The following PIEZO2 variants were observed in gnomAD, a reference collection of about 807,000 sequenced individuals.
The protein encoded by PIEZO2 is piezo-type mechanosensitive ion channel component 2.
In PIEZO2, 172 loss-of-function variants were observed where a neutral mutation model predicts 337.3. The ratio of observed to expected loss-of-function variants is 0.51; its 90% CI spans 0.45 to 0.58. The LOEUF is 0.58. Among genes scored for constraint, PIEZO2 ranks in the 20% least tolerant of loss-of-function variants. The probability of loss-of-function intolerance (pLI) is 0.00; values close to 1 mark genes in which losing one functional copy is unlikely to be tolerated. For synonymous variants in PIEZO2, 1,251 were observed against 1,228.5 expected (o/e 1.02, Z -0.38); for missense variants, 3,028 against 3,391.3 (o/e 0.89, Z 2.66).
At chr18:10,806,982 C>A (rs2040020512) in intron 8 of PIEZO2, 130 bp downstream of exon 8, 2 of 957,052 alleles carry the variant, frequency 2.1e-6, no homozygotes, top group East Asian at 5.3e-5. Flanking sequence ...ATTAAAACAT[C>A]ATACCCAGAA....
chr18:11,025,920 T>TG (rs1199380103), intron 2 of PIEZO2, among the ~76,000 whole-genome samples: 1 of 152,156 alleles, frequency 6.6e-6, no homozygotes, highest in Non-Finnish European at 1.5e-5. Context: ...TGGGTTCCGC[T>TG]GGGGGCAGCA....
chr18:10,764,544 C>T (rs981447282), intron 21 of PIEZO2, among the ~76,000 whole-genome samples: 4 of 149,918 alleles, frequency 2.7e-5, no homozygotes, highest in African/African-American at 4.9e-5. Context: ...TGGCCGAGAT[C>T]GTGCCACTGC....
rs1469081028 is a variant in PIEZO2 at position 10,942,231 on chromosome 18, T to C, written c.287-31003A>G. On this transcript the variant is annotated intron_variant, in intron 3 of 55. Transcript: ENST00000674853. The surrounding 1 kb of genome is among the most constrained non-coding windows in gnomAD (Gnocchi z 4.4). ...GCGCTGCTGAAAAGATATCCCAAAA[T>C]GTGAAAGCGATTTTGGAACTGGGTA... 6.6e-6 allele frequency among the ~76,000 whole-genome samples: 1 copy of C among 152,244 alleles called. No individual in the cohort carries two copies. The highest frequency in any genetic ancestry group is 6.5e-5 in the Admixed American group (1 of 15,286).
rs150740774 is a variant in PIEZO2, at chr18:11,077,525, C to A, written c.65-11303G>T. On this transcript the variant is annotated intron_variant, in intron 1 of 55. Coordinates refer to ENST00000674853, the MANE Select transcript of PIEZO2 (RefSeq NM_001378183.1). The surrounding 1 kb of genome is among the most constrained non-coding windows in gnomAD (Gnocchi z 4.8). ...TCCACACAAAAAAAGAAAAAACTAG[C>A]TGGGCATGGTGGTGCATGCCTATAG... is the stretch of plus-strand genomic sequence containing the variant. Among the ~76,000 whole-genome samples, 932 of 152,200 alleles carry A rather than the reference C, an allele frequency of 6.1e-3. 6 individuals carry two copies. The highest frequency in any genetic ancestry group is 0.021 in the African/African-American group (865 of 41,532).
At chr18:11,049,621 G>A (rs934811725) in intron 2 of PIEZO2, among the ~76,000 whole-genome samples, 9 of 152,282 alleles carry the variant, frequency 5.9e-5, no homozygotes, top group East Asian at 1.9e-4. Context: ...TGGGAGGGAC[G>A]TGGTGGAAGG....
chr18:10,902,657 A>G (rs960809620), intron 4 of PIEZO2, among the ~76,000 whole-genome samples: 2 of 152,228 alleles, frequency 1.3e-5, no homozygotes, highest in Non-Finnish European at 2.9e-5. Flanking sequence ...TTGTACCTTA[A>G]AAGAATAAAT....
At chr18:10,866,650 G>T (rs1474299456) in intron 5 of PIEZO2, among the ~76,000 whole-genome samples, 2 of 152,172 alleles carry the variant, frequency 1.3e-5, no homozygotes, top group African/African-American at 4.8e-5. Context: ...AGGTGTGTTG[G>T]TATCAGAGGA....
intron 10 of PIEZO2, among the ~76,000 whole-genome samples, chr18:10,801,142 T>C (rs891542172): frequency 4.6e-5 from 7 of 152,228 alleles, no homozygotes; most frequent in African/African-American, 1.4e-4. Context: ...TACTTACGAA[T>C]TAGGCATAGC....
rs2042324594 is a variant in PIEZO2, at chr18:10,878,461, A to AGAGGAGGGAAC, written c.330-7047_330-7046insGTTCCCTCCTC. On this transcript the variant is annotated intron_variant, in intron 4 of 55. Coordinates refer to ENST00000674853, the MANE Select transcript of PIEZO2 (RefSeq NM_001378183.1). This position sits in a 1 kb window ranked among gnomAD's most constrained non-coding sequence, Gnocchi z 4.3. ...GCATTGAGATCACAGAGAGTTTACA[A>AGAGGAGGGAAC]ATAAAGTTTCAGTTATTTGCACATG... Among the ~76,000 whole-genome samples, 2 of 152,210 alleles carry AGAGGAGGGAAC rather than the reference A, an allele frequency of 1.3e-5. No individual in the cohort carries two copies. Among genetic ancestry groups the AGAGGAGGGAAC allele is most frequent in the South Asian group, 4.1e-4 (2 of 4,832 alleles).
rs1438206918 is a variant in PIEZO2 at position 11,104,338 on chromosome 18, C to T, written c.65-38116G>A. On this transcript the variant is annotated intron_variant, in intron 1 of 55. Coordinates refer to ENST00000674853, the MANE Select transcript of PIEZO2 (RefSeq NM_001378183.1). The surrounding 1 kb of genome is among the most constrained non-coding windows in gnomAD (Gnocchi z 4.6). ...TATGCTGTTAGCCCTAGCCACCCCA[C>T]CTCAAGCCAGGAGGCTCTTTCTCCT... 6.6e-6 allele frequency among the ~76,000 whole-genome samples: 1 copy of T among 152,196 alleles called. No homozygotes were observed. Among genetic ancestry groups the T allele is most frequent in the African/African-American group, 2.4e-5 (1 of 41,442 alleles).
At chr18:11,079,803 T>A (rs2038676148) in intron 1 of PIEZO2, among the ~76,000 whole-genome samples, 1 of 152,282 alleles carries the variant, frequency 6.6e-6, no homozygotes, top group African/African-American at 2.4e-5. Flanking sequence ...ATTTTCTGAA[T>A]GAAAAAGCAT....
intron 2 of PIEZO2, among the ~76,000 whole-genome samples, chr18:10,983,001 A>G (rs1293084213): frequency 6.6e-6 from 1 of 152,172 alleles, no homozygotes; most frequent in Non-Finnish European, 1.5e-5. Context: ...GATTACAGGA[A>G]TGAGCCACCG....
intron 7 of PIEZO2, among the ~76,000 whole-genome samples, chr18:10,827,998 C>T (rs2040727534): frequency 6.6e-6 from 1 of 152,158 alleles, no homozygotes; most frequent in Admixed American, 6.5e-5. Flanking sequence ...AAGTCACCCC[C>T]AGGTCACTAG....
rs2040271877 is a variant in PIEZO2, at chr18:11,129,291, G to A, written c.64+19234C>T. Reference sequence around the variant, plus strand: ...AATACAATGAGAATAATTGGATCCCGAGGTGGCAGGGACCAAGTGGCAGCA... The same window carrying A: ...AATACAATGAGAATAATTGGATCCCAAGGTGGCAGGGACCAAGTGGCAGCA... On this transcript the variant is annotated intron_variant, in intron 1 of 55. Transcript: ENST00000674853. The surrounding 1 kb of genome is among the most constrained non-coding windows in gnomAD (Gnocchi z 4.6). Among the ~76,000 whole-genome samples the A allele has an allele frequency of 1.3e-5, 2 of 152,200 alleles. No homozygotes were observed. Among genetic ancestry groups the A allele is most frequent in the African/African-American group, 2.4e-5 (1 of 41,446 alleles).
At chr18:10,902,704 G>A (rs1173242991) in intron 4 of PIEZO2, among the ~76,000 whole-genome samples, 1 of 152,106 alleles carries the variant, frequency 6.6e-6, no homozygotes, top group African/African-American at 2.4e-5. Context: ...AGGTTGTTTC[G>A]TTTCATATCA....
intron 1 of PIEZO2, among the ~76,000 whole-genome samples, chr18:11,130,921 T>C (rs2040322451): frequency 6.6e-6 from 1 of 152,220 alleles, no homozygotes; most frequent in South Asian, 2.1e-4. Context: ...CAGGCTGCTG[T>C]ACAAGCTGCT....
chr18:11,080,612 G>A lies in PIEZO2; in HGVS notation c.65-14390C>T, dbSNP rs914115087. ...TATAATCCCAGCACTTTGGGAGACC[G>A]AGGCGGGCAGATCATGAGGTCAGGA... On this transcript the variant is annotated intron_variant, in intron 1 of 55. Transcript: ENST00000674853. This position sits in a 1 kb window ranked among gnomAD's most constrained non-coding sequence, Gnocchi z 5.4. 4.6e-5 allele frequency among the ~76,000 whole-genome samples: 7 copies of A among 152,228 alleles called. No homozygotes were observed. The highest frequency in any genetic ancestry group is 3.2e-3 in the Middle Eastern group (1 of 316).
Position 10,894,920 on chromosome 18 carries a change from C to T in PIEZO2, c.329+16266G>A, listed in dbSNP as rs1008061969. 7.9e-5 allele frequency: 12 copies of T among 152,334 alleles called. No homozygotes were observed. In the Middle Eastern group the frequency reaches 0.01, roughly 130 times the overall value. 9.4% of individuals were successfully genotyped at this position (152,334 alleles called of 1,614,324 possible). ...CCGTATAGATTCGCTGCCAGCAGCT[C>T]GGGATACCTGCCACCACTAACATTT... On this transcript the variant is annotated intron_variant, in intron 4 of 55. Coordinates refer to ENST00000674853, the MANE Select transcript of PIEZO2 (RefSeq NM_001378183.1). This position sits in a 1 kb window ranked among gnomAD's most constrained non-coding sequence, Gnocchi z 4.1.
chr18:10,891,194 C>T (rs79265481), intron 4 of PIEZO2, among the ~76,000 whole-genome samples: 3,204 of 152,026 alleles, frequency 0.021, 54 homozygotes, highest in Non-Finnish European at 0.03. Context: ...TGTGGTGGTG[C>T]GCACCTGTAA....
Sources: gnomAD v4.1 joint callset for allele counts (sites outside exome capture counted in the v4.1 genomes callset) on GRCh38, gnomAD v4.1.1 for gene constraint, Gnocchi (gnomAD v3.1) non-coding constraint, MANE v1.5 for transcripts, NCBI Gene and HGNC (gene_info 2026-07-23, HGNC 2026-07-21) for gene names.